The following CORO2B variants were observed in gnomAD, a reference collection of about 807,000 sequenced individuals.
The protein encoded by CORO2B is coronin 2B.
In CORO2B, 26 loss-of-function variants were observed where a neutral mutation model predicts 58.8. That is an observed-to-expected ratio of 0.44 (90% CI 0.32 to 0.61). The LOEUF is 0.61. CORO2B is among the 20% of genes least tolerant of loss of function. CORO2B has a pLI of 0.04. For missense variants in CORO2B, 460 were observed against 645.1 expected (o/e 0.71, Z 3.11); for synonymous variants, 242 against 253.8 (o/e 0.95, Z 0.44).
chr15:68,609,348 T>A (rs905131872), intron 1 of CORO2B, among the ~76,000 whole-genome samples: 2 of 152,020 alleles, frequency 1.3e-5, no homozygotes, highest in Non-Finnish European at 2.9e-5. Context: ...GTGAACTGAG[T>A]CACACCAGGC....
intron 2 of CORO2B, among the ~76,000 whole-genome samples, chr15:68,664,438 G>A (rs939002772): frequency 2.0e-5 from 3 of 152,150 alleles, no homozygotes; most frequent in Non-Finnish European, 2.9e-5. Context: ...ACGAGGTCAG[G>A]AGATCGAGCC....
At position 68,643,294 on chromosome 15, in the gene CORO2B, G is replaced by A. The variant is rs892571181; in HGVS notation, c.16-1866G>A. On this transcript the variant is annotated intron_variant, in intron 1 of 11. Coordinates refer to ENST00000261861, the MANE Select transcript of CORO2B (RefSeq NM_006091.5). ...CCTGCAGTCACATAGTCAGCTTGGGGAGGGGAGGGGAGAGGCTGGTCTGAG... is the reference window on the plus strand; with the variant it reads ...CCTGCAGTCACATAGTCAGCTTGGGAAGGGGAGGGGAGAGGCTGGTCTGAG... 2.0e-5 allele frequency among the ~76,000 whole-genome samples: 3 copies of A among 152,150 alleles called. No homozygotes were observed. The South Asian group carries it at 6.2e-4, about 32-fold the overall frequency.
chr15:68,677,434 G>A (rs1432051243), intron 2 of CORO2B, among the ~76,000 whole-genome samples: 2 of 152,198 alleles, frequency 1.3e-5, no homozygotes, highest in African/African-American at 4.8e-5. Context: ...CCCTCTCCCT[G>A]TCATGCAATG....
chr15:68,674,315 G>C (rs943065589), intron 2 of CORO2B, among the ~76,000 whole-genome samples: 1 of 152,218 alleles, frequency 6.6e-6, no homozygotes, highest in Non-Finnish European at 1.5e-5. Context: ...GGGACGGTGG[G>C]TAGTATATAT....
In CORO2B at chr15:68,645,104, AG is replaced by A; in HGVS notation, c.16-54del. 3 of 1,568,534 alleles carry A rather than the reference AG, an allele frequency of 1.9e-6. No individual in the cohort carries two copies. The South Asian group carries it at 3.4e-5, about 18-fold the overall frequency. Reference sequence around the variant, plus strand: ...CTTCCCTCCCCCAAGAGCCCAGCCGAGGCCCTTCATGGCACAGGGCCCAGCC... The same window carrying A: ...CTTCCCTCCCCCAAGAGCCCAGCCGAGCCCTTCATGGCACAGGGCCCAGCC... On this transcript the variant is annotated intron_variant, in intron 1 of 11. Coordinates refer to ENST00000261861, the MANE Select transcript of CORO2B (RefSeq NM_006091.5). The surrounding 1 kb of genome is among the most constrained non-coding windows in gnomAD (Gnocchi z 4.5).
the CORO2B span, among the ~76,000 whole-genome samples, chr15:68,561,574 G>T: frequency 3.4e-4 from 52 of 152,196 alleles, no homozygotes; most frequent in African/African-American, 1.3e-3. Context: ...GCAGACAGCT[G>T]GGTGGGAGGG....
chr15:68,674,522 C>T (rs1199102798), intron 2 of CORO2B, among the ~76,000 whole-genome samples: 1 of 152,218 alleles, frequency 6.6e-6, no homozygotes, highest in Non-Finnish European at 1.5e-5. Context: ...TGTCTGCAAA[C>T]CTGGGTGTGG....
At chr15:68,684,975 T>TAG (rs1902913554) in intron 2 of CORO2B, among the ~76,000 whole-genome samples, 1 of 152,198 alleles carries the variant, frequency 6.6e-6, no homozygotes, top group Non-Finnish European at 1.5e-5. Context: ...TCAGATGGTC[T>TAG]GGAATGCATG....
At chr15:68,583,840 G>T (rs1449174547) in intron 1 of CORO2B, among the ~76,000 whole-genome samples, 1 of 152,180 alleles carries the variant, frequency 6.6e-6, no homozygotes, top group South Asian at 2.1e-4. Context: ...AGAGGAAGCG[G>T]GGGTACCAGC....
chr15:68,624,589 T>C (rs1220762874), intron 1 of CORO2B, among the ~76,000 whole-genome samples: 2 of 152,122 alleles, frequency 1.3e-5, no homozygotes, highest in Non-Finnish European at 2.9e-5. Flanking sequence ...CCTTGGGGGC[T>C]TTTTAAACAT....
chr15:68,565,046 G>A, the CORO2B span, among the ~76,000 whole-genome samples: 88 of 152,080 alleles, frequency 5.8e-4, no homozygotes, highest in Non-Finnish European at 9.7e-4. Context: ...GTTGCTTCAT[G>A]TGAAAGTAAC....
chr15:68,603,506 G>T (rs1402907417), intron 1 of CORO2B, among the ~76,000 whole-genome samples: 2 of 152,132 alleles, frequency 1.3e-5, no homozygotes, highest in Non-Finnish European at 2.9e-5. Context: ...GTGACATGGT[G>T]CTGTGGGCTG....
intron 1 of CORO2B, among the ~76,000 whole-genome samples, chr15:68,605,913 C>T (rs1263508434): frequency 9.2e-5 from 14 of 151,732 alleles, no homozygotes; most frequent in Non-Finnish European, 1.2e-4. Flanking sequence ...TTAGTAGAGA[C>T]GGGGGTTTCA....
intron 1 of CORO2B, among the ~76,000 whole-genome samples, chr15:68,622,364 G>A (rs915223400): frequency 3.9e-5 from 6 of 152,140 alleles, no homozygotes; most frequent in African/African-American, 1.4e-4. Context: ...AGCTGACTGG[G>A]GAAGACATGC....
chr15:68,542,014 A>G, the CORO2B span, among the ~76,000 whole-genome samples: 1 of 152,230 alleles, frequency 6.6e-6, no homozygotes, highest in African/African-American at 2.4e-5. Flanking sequence ...CAAGGCAGCA[A>G]GCTGGGACGG....
At chr15:68,590,032 C>T (rs1016712395) in intron 1 of CORO2B, among the ~76,000 whole-genome samples, 1 of 152,210 alleles carries the variant, frequency 6.6e-6, no homozygotes, top group African/African-American at 2.4e-5. Context: ...CAATCTTTCC[C>T]TCCTTTGTTT....
intron 1 of CORO2B, among the ~76,000 whole-genome samples, chr15:68,605,707 T>C (rs1900094370): frequency 6.9e-6 from 1 of 144,954 alleles, no homozygotes; most frequent in African/African-American, 2.6e-5. Flanking sequence ...CAGAGGGCTC[T>C]TGGGTTTTTT....
the CORO2B span, among the ~76,000 whole-genome samples, chr15:68,541,904 T>C: frequency 2.0e-5 from 3 of 152,154 alleles, no homozygotes; most frequent in Admixed American, 1.3e-4. Flanking sequence ...TCTGACAGCC[T>C]GGGCCTCCTT....
intron 2 of CORO2B, among the ~76,000 whole-genome samples, chr15:68,683,377 G>A (rs1295636529): frequency 1.3e-5 from 2 of 152,234 alleles, no homozygotes; most frequent in African/African-American, 2.4e-5. Context: ...GGAGAGCATG[G>A]CTCTGTGGCG....
Sources: gnomAD v4.1 joint callset for allele counts (sites outside exome capture counted in the v4.1 genomes callset) on GRCh38, gnomAD v4.1.1 for gene constraint, Gnocchi (gnomAD v3.1) non-coding constraint, MANE v1.5 for transcripts, NCBI Gene and HGNC (gene_info 2026-07-23, HGNC 2026-07-21) for gene names.